The following UPF1 variants were observed in gnomAD, a reference collection of about 807,000 sequenced individuals.
UPF1 encodes the protein UPF1 RNA helicase and ATPase.
A neutral mutation model predicts 129.2 loss-of-function variants in UPF1; 9 were observed. The ratio of observed to expected loss-of-function variants is 0.07; its 90% confidence interval spans 0.04 to 0.12. The LOEUF is 0.12. Among genes scored for constraint, UPF1 ranks in the 10% least tolerant of loss-of-function variants. UPF1 has a pLI of 1.00. For missense variants in UPF1, 788 were observed against 1,525.3 expected, an observed-to-expected ratio of 0.52 and a Z score of 8.05; for synonymous variants, 649 against 644.9, an observed-to-expected ratio of 1.01 and a Z score of -0.10.
rs758257879 is a variant in UPF1 at position 18,832,171 on chromosome 19, C to T, written c.-39C>T. 6.7e-7 allele frequency: 1 copy of T among 1,495,870 alleles called. No individual in the cohort carries two copies. The highest frequency in any genetic ancestry group is 1.8e-4 in the Middle Eastern group (1 of 5,606). The allele number at this position is 1,495,870 out of a possible 1,614,324, so 92.7% of individuals were successfully genotyped here. On this transcript the variant is annotated 5_prime_UTR_variant, in exon 1 of 24. Transcript: ENST00000262803. The surrounding 1 kb of genome is among the most constrained non-coding windows in gnomAD (Gnocchi z 5.6). Reference sequence around the variant, plus strand: ...CTCAGCGCGGCGGCGGGCTCGAGTGCAGCGCGGAACCGGCCCGAGGGCCCT... The same window carrying T: ...CTCAGCGCGGCGGCGGGCTCGAGTGTAGCGCGGAACCGGCCCGAGGGCCCT...
intron 15 of UPF1, 146 bp from the exon 16 acceptor site, chr19:18,860,175 G>A (rs2055762200): frequency 1.2e-6 from 1 of 826,910 alleles, no homozygotes; most frequent in Non-Finnish European, 2.0e-6. Flanking sequence ...GACCGGCTCA[G>A]GTGACCTCAC....
intron 1 of UPF1, among the ~76,000 whole-genome samples, chr19:18,834,535 G>T (rs1418807229): frequency 1.3e-5 from 2 of 152,140 alleles, no homozygotes; most frequent in Non-Finnish European, 2.9e-5. Flanking sequence ...CATTGCAGTT[G>T]AGCTCACTAG....
Position 18,868,158 on chromosome 19 carries a change from G to A in UPF1, c.*1641G>A, listed in dbSNP as rs1477179943. On this transcript the variant is annotated 3_prime_UTR_variant, in exon 24 of 24. Coordinates refer to ENST00000262803, the MANE Select transcript of UPF1 (RefSeq NM_002911.4). ...ACAAACCCAGGCGCACTGTACCAAG[G>A]CAATGTAACTTTTGATTTTCGGTCA... The A allele has an allele frequency of 4.2e-6, 1 of 236,496 alleles. No homozygotes were observed. 14.6% of individuals were successfully genotyped at this position (236,496 alleles called of 1,614,324 possible).
At chr19:18,841,165 C>G (rs1028278832) in intron 1 of UPF1, among the ~76,000 whole-genome samples, 1 of 152,262 alleles carries the variant, frequency 6.6e-6, no homozygotes, top group African/African-American at 2.4e-5. Context: ...GATGAATTCT[C>G]TAACATACAA....
At chr19:18,836,415 A>G (rs1158656005) in intron 1 of UPF1, among the ~76,000 whole-genome samples, 1 of 152,226 alleles carries the variant, frequency 6.6e-6, no homozygotes, top group Non-Finnish European at 1.5e-5. Flanking sequence ...GATGTGTCTC[A>G]TAATAATTAC....
intron 2 of UPF1, 128 bp downstream of exon 2, chr19:18,846,247 C>A: frequency 7.2e-7 from 1 of 1,387,088 alleles, no homozygotes; most frequent in Non-Finnish European, 9.7e-7. Flanking sequence ...GCGGTGTCCT[C>A]GGGAGTAAGG....
rs1412409854 is a variant in UPF1 at position 18,853,310 on chromosome 19, C to T, written c.1116C>T (p.Pro372=). 1.9e-6 allele frequency: 3 copies of T among 1,613,156 alleles called. No homozygotes were observed. In the South Asian group the frequency reaches 3.3e-5, roughly 18 times the overall value. ...ICLRYKGDLA[P]LWKGIGHVIK... is the part of the protein sequence containing the mutation. ...TGCGGTACAAAGGGGACCTTGCGCC[C>T]CTGTGGAAAGGGATCGGCCACGTCA... The change falls in exon 8 of 24, where the codon CCC becomes CCT. Residue 372 remains proline, a synonymous_variant. Coordinates refer to ENST00000262803, the MANE Select transcript of UPF1 (RefSeq NM_002911.4). The surrounding 1 kb of genome is among the most constrained non-coding windows in gnomAD (Gnocchi z 4.4).
intron 20 of UPF1, 146 bp downstream of exon 20, chr19:18,864,397 C>T: frequency 3.1e-6 from 2 of 649,034 alleles, no homozygotes; most frequent in Non-Finnish European, 5.3e-6. Context: ...GCCCCTAGGG[C>T]ATCTCTAGCC....
At chr19:18,864,039 C>G (rs2055811498) in intron 19 of UPF1, 131 bp from the exon 20 acceptor site, 1 of 808,866 alleles carries the variant, frequency 1.2e-6, no homozygotes, top group Non-Finnish European at 2.1e-6. Context: ...CCTCCTGTCT[C>G]CAGGGAGAGC....
In UPF1 at chr19:18,852,118, G is replaced by T; in HGVS notation, c.811-17G>T. The T allele has an allele frequency of 1.3e-6, 2 of 1,596,988 alleles. No individual in the cohort carries two copies. Among genetic ancestry groups the T allele is most frequent in the Non-Finnish European group, 1.7e-6 (2 of 1,171,746 alleles). On this transcript the variant is annotated splice_polypyrimidine_tract_variant and intron_variant, in intron 5 of 23. Coordinates refer to ENST00000262803, the MANE Select transcript of UPF1 (RefSeq NM_002911.4). ...GGAAAAACAGGACGAGTGTGGCGCGGTGTTGTTGTCTTCTAGGAAAACCCT... is the reference window on the plus strand; with the variant it reads ...GGAAAAACAGGACGAGTGTGGCGCGTTGTTGTTGTCTTCTAGGAAAACCCT...
chr19:18,858,692 G>A (rs1003898483), intron 15 of UPF1, among the ~76,000 whole-genome samples: 1 of 152,160 alleles, frequency 6.6e-6, no homozygotes, highest in Admixed American at 6.5e-5. Flanking sequence ...CTGAGCAGAG[G>A]TGGACCCCAG....
intron 23 of UPF1, 95 bp downstream of exon 23, chr19:18,866,261 TCTGGAAATGTGTG>T: frequency 4.9e-6 from 7 of 1,437,610 alleles, no homozygotes; most frequent in Non-Finnish European, 6.4e-6. Context: ...AGGGGTGGTA[TCTGGAAATGTGTG>T]CTGTGCCTGG....
At position 18,852,299 on chromosome 19, in the gene UPF1, G is replaced by C. The variant is rs1458634985; in HGVS notation, c.972+3G>C. Reference sequence around the variant, plus strand: ...ACAAGAAGCTGAAGGAGTCCCAGGTGATGTGTGCGAGAGGGCTTGGCCTGG... The same window carrying C: ...ACAAGAAGCTGAAGGAGTCCCAGGTCATGTGTGCGAGAGGGCTTGGCCTGG... On this transcript the variant is annotated splice_donor_region_variant and intron_variant, in intron 6 of 23. Coordinates refer to ENST00000262803, the MANE Select transcript of UPF1 (RefSeq NM_002911.4). The C allele has an allele frequency of 1.9e-6, 3 of 1,613,378 alleles. No individual in the cohort carries two copies. The highest frequency in any genetic ancestry group is 1.7e-5 in the Admixed American group (1 of 59,982).
chr19:18,860,878 G>A lies in UPF1; in HGVS notation c.2353G>A (p.Ala785Thr), dbSNP rs1273688735. ...CACCACGAAGTTGCTGAAGGCAGGC[G>A]CCAAGCCGGACCAGATTGGCATCAT... ...KITTKLLKAG[A>T]KPDQIGIITP... The change falls in exon 17 of 24, where the codon GCC becomes ACC. Residue 785 changes from alanine (A) to threonine (T), a missense_variant. Physicochemically the swap from Ala to Thr is moderately conservative, Grantham distance 58. Around this residue, in one of 6 missense-constraint regions of UPF1, gnomAD observed 140 missense variants for 385.9 expected, o/e 0.36. Coordinates refer to ENST00000262803, the MANE Select transcript of UPF1 (RefSeq NM_002911.4). 3 of 1,610,282 alleles carry A rather than the reference G, an allele frequency of 1.9e-6. No homozygotes were observed. The highest frequency in any genetic ancestry group is 2.5e-6 in the Non-Finnish European group (3 of 1,178,556).
chr19:18,845,839 T>G, intron 1 of UPF1, 141 bp from the exon 2 acceptor site: 3 of 1,302,746 alleles, frequency 2.3e-6, no homozygotes, highest in South Asian at 1.6e-5. Flanking sequence ...TAGAGAAGAG[T>G]GAAATCCAGT....
chr19:18,840,879 C>T (rs556153370), intron 1 of UPF1, among the ~76,000 whole-genome samples: 8 of 152,300 alleles, frequency 5.3e-5, no homozygotes, highest in East Asian at 1.9e-4. Flanking sequence ...TCTCAGGTCC[C>T]GTGGGCCTTT....
intron 1 of UPF1, among the ~76,000 whole-genome samples, chr19:18,835,403 G>A (rs952576997): frequency 8.6e-5 from 13 of 151,760 alleles, no homozygotes; most frequent in Admixed American, 6.6e-4. Context: ...GTGCAGTGGC[G>A]TGATCTTGGC....
Position 18,867,806 on chromosome 19 carries a change from C to A in UPF1, c.*1289C>A, listed in dbSNP as rs2055872845. On this transcript the variant is annotated 3_prime_UTR_variant, in exon 24 of 24. Coordinates refer to ENST00000262803, the MANE Select transcript of UPF1 (RefSeq NM_002911.4). ...TTGGGGTGTCATTCTGCCTGGCGGC[C>A]AGGCCTCCAGCTTCCCCTGCCCCGG... 1 of 152,362 alleles carries A rather than the reference C, an allele frequency of 6.6e-6. No homozygotes were observed. Among genetic ancestry groups the A allele is most frequent in the Non-Finnish European group, 1.5e-5 (1 of 68,134 alleles). 9.4% of individuals were successfully genotyped at this position (152,362 alleles called of 1,614,324 possible).
chr19:18,853,488 C>G lies in UPF1; in HGVS notation c.1156+138C>G, dbSNP rs1030794654. On this transcript the variant is annotated intron_variant, in intron 8 of 23. Coordinates refer to ENST00000262803, the MANE Select transcript of UPF1 (RefSeq NM_002911.4). The surrounding 1 kb of genome is among the most constrained non-coding windows in gnomAD (Gnocchi z 4.4). ...GTGGTGGGTGCTGGTTGGCATCGCC[C>G]TCCACTGCTCTTAGGAGAATCACAG... The G allele has an allele frequency of 7.8e-6, 6 of 770,020 alleles. No individual in the cohort carries two copies. In the African/African-American group the frequency reaches 1.1e-4, roughly 14 times the overall value. The allele number at this position is 770,020 out of a possible 1,614,324, so 47.7% of individuals were successfully genotyped here. A position where few individuals can be genotyped will look rare whatever the true frequency, so the allele number is the denominator to read the frequency against.
Sources: allele counts gnomAD v4.1 joint callset (sites outside exome capture counted in the v4.1 genomes callset), GRCh38; gene constraint gnomAD v4.1.1; regional missense constraint gnomAD v4.1.1; non-coding constraint Gnocchi (gnomAD v3.1); transcripts MANE v1.5; gene names NCBI Gene and HGNC (gene_info 2026-07-23, HGNC 2026-07-21).